The following RMDN2 variants were observed in gnomAD, a reference collection of about 807,000 sequenced individuals.
RMDN2 encodes regulator of microtubule dynamics 2.
In RMDN2, 61 loss-of-function variants were observed where a neutral mutation model predicts 52.8. The observed-to-expected ratio is 1.16, with a 90% CI of 0.94 to 1.43. The LOEUF is 1.43. RMDN2 is among the 40% of genes most tolerant of loss of function. The pLI, the probability that RMDN2 is intolerant of heterozygous loss-of-function variation, is 0.00. For synonymous variants in RMDN2, 180 were observed against 153.1 expected (o/e 1.18, Z -1.30); for missense variants, 592 against 475.3 (o/e 1.25, Z -2.28).
At chr2:37,990,693 C>G (rs754623750) in intron 6 of RMDN2, among the ~76,000 whole-genome samples, 4 of 152,094 alleles carry the variant, frequency 2.6e-5, no homozygotes, top group Non-Finnish European at 5.9e-5. Context: ...GTAATACACA[C>G]ACACACAAAA....
At chr2:37,928,899 G>A (rs1165789817) in intron 1 of RMDN2, 1 of 154,520 alleles carries the variant, frequency 6.5e-6, no homozygotes, top group Non-Finnish European at 1.4e-5. Flanking sequence ...TTGCCCATCT[G>A]TTCTTTTTTC....
intron 10 of RMDN2, among the ~76,000 whole-genome samples, chr2:38,053,236 A>T (rs1419143872): frequency 6.6e-6 from 1 of 152,220 alleles, no homozygotes; most frequent in Non-Finnish European, 1.5e-5. Flanking sequence ...GTGCTGTCTA[A>T]ATATAATTGC....
chr2:38,050,797 C>G (rs547815762), intron 10 of RMDN2, among the ~76,000 whole-genome samples: 1 of 152,172 alleles, frequency 6.6e-6, no homozygotes, highest in Admixed American at 6.5e-5. Flanking sequence ...CTCGCTCTGT[C>G]GCACAGGCTG....
chr2:38,014,571 C>G (rs2125239096), intron 10 of RMDN2, among the ~76,000 whole-genome samples: 1 of 152,246 alleles, frequency 6.6e-6, no homozygotes, highest in Non-Finnish European at 1.5e-5. Flanking sequence ...TAGTCACTAC[C>G]CAAATGCTAG....
chr2:37,981,936 A>T (rs1673372458), intron 5 of RMDN2, among the ~76,000 whole-genome samples: 1 of 152,060 alleles, frequency 6.6e-6, no homozygotes, highest in Non-Finnish European at 1.5e-5. Context: ...ATATTGTTTT[A>T]AATTATTATT....
intron 7 of RMDN2, among the ~76,000 whole-genome samples, chr2:37,992,378 A>G (rs1411499788): frequency 3.9e-5 from 6 of 152,222 alleles, no homozygotes; most frequent in African/African-American, 1.4e-4. Flanking sequence ...AAAGTCAAAT[A>G]ATAGAATGAT....
intron 2 of RMDN2, among the ~76,000 whole-genome samples, chr2:37,947,831 TG>T (rs1183157830): frequency 6.6e-6 from 1 of 152,208 alleles, no homozygotes. Context: ...ATTTTTAGTT[TG>T]GGGCATGTTC....
At chr2:38,067,134 T>C (rs1278484640) in exon 11 of RMDN2, 1 of 789,320 alleles carries the variant, frequency 1.3e-6, no homozygotes. Flanking sequence ...CATTTCCACA[T>C]AGTACATGAC....
At chr2:38,027,255 G>A (rs565956944) in intron 10 of RMDN2, 62 of 152,280 alleles carry the variant, frequency 4.1e-4, no homozygotes, top group African/African-American at 1.4e-3. Flanking sequence ...TCTCAAAGCA[G>A]TAAGCTGGGA....
At chr2:37,966,396 A>G (rs991047440) in intron 2 of RMDN2, among the ~76,000 whole-genome samples, 46 of 152,008 alleles carry the variant, frequency 3.0e-4, no homozygotes, top group Non-Finnish European at 4.4e-5. Context: ...CAGCCTGGGC[A>G]ACAGAGTGAG....
chr2:38,039,073 C>CACAA (rs1202063722), intron 10 of RMDN2, among the ~76,000 whole-genome samples: 56 of 110,240 alleles, frequency 5.1e-4, no homozygotes, highest in Non-Finnish European at 8.7e-4. Context: ...CACACACACA[C>CACAA]ACACACACAC....
chr2:37,987,456 A>G (rs1018348655), intron 5 of RMDN2, among the ~76,000 whole-genome samples: 9 of 152,196 alleles, frequency 5.9e-5, no homozygotes, highest in Non-Finnish European at 1.2e-4. Flanking sequence ...AATATACTAT[A>G]TGGTTCCAAC....
At chr2:37,953,278 C>T (rs1226410348) in intron 2 of RMDN2, among the ~76,000 whole-genome samples, 1 of 151,930 alleles carries the variant, frequency 6.6e-6, no homozygotes, top group Non-Finnish European at 1.5e-5. Context: ...CAGCCATCAC[C>T]ACCATCCGTT....
downstream of RMDN2, among the ~76,000 whole-genome samples, chr2:38,020,935 G>A (rs796093508): frequency 7.9e-5 from 12 of 152,356 alleles, no homozygotes; most frequent in African/African-American, 1.4e-4. Flanking sequence ...ACCTGTGGCC[G>A]GGTCTGGGAT....
At chr2:37,936,298 T>C (rs80265348) in intron 2 of RMDN2, among the ~76,000 whole-genome samples, 1,744 of 152,256 alleles carry the variant, frequency 0.011, 32 homozygotes, top group African/African-American at 0.04. Context: ...CAGTCTATAA[T>C]TGATGGACGG....
chr2:38,010,295 C>T (rs1421312270), intron 10 of RMDN2, among the ~76,000 whole-genome samples: 2 of 152,204 alleles, frequency 1.3e-5, no homozygotes, highest in South Asian at 4.1e-4. Flanking sequence ...TTTGGCTAAG[C>T]CCTGCCCCCA....
chr2:37,964,945 T>C (rs1040915046), intron 2 of RMDN2, among the ~76,000 whole-genome samples: 3 of 152,204 alleles, frequency 2.0e-5, no homozygotes, highest in African/African-American at 7.2e-5. Context: ...TTAGTGTTAT[T>C]GTTATATCTT....
intron 10 of RMDN2, among the ~76,000 whole-genome samples, chr2:38,060,408 C>T (rs1030823148): frequency 3.3e-5 from 5 of 152,180 alleles, no homozygotes; most frequent in Admixed American, 6.5e-5. Flanking sequence ...ATTCTTCCAC[C>T]GCTTTGTCCA....
chr2:37,996,614 AAAAAG>A (rs1287235349), intron 7 of RMDN2, among the ~76,000 whole-genome samples: 2 of 150,954 alleles, frequency 1.3e-5, no homozygotes, highest in Non-Finnish European at 1.5e-5. Flanking sequence ...AAAAAAAAAA[AAAAAG>A]AGGATATTGG....
Sources: gnomAD v4.1 joint callset for allele counts (sites outside exome capture counted in the v4.1 genomes callset) on GRCh38, gnomAD v4.1.1 for gene constraint, MANE v1.5 for transcripts, NCBI Gene and HGNC (gene_info 2026-07-23, HGNC 2026-07-21) for gene names.